CELA2B: variants seen among roughly 807,000 people sequenced by gnomAD.
The protein encoded by CELA2B is chymotrypsin-like elastase family member 2B.
A neutral mutation model predicts 36.5 loss-of-function variants in CELA2B; 27 were observed. The ratio of observed to expected loss-of-function variants is 0.74; its 90% CI spans 0.55 to 1.02. CELA2B has a LOEUF of 1.02. Among genes scored for constraint, CELA2B ranks in the 50% least tolerant of loss-of-function variants. The pLI is 0.00. For missense variants in CELA2B, 340 were observed against 347.8 expected, an observed-to-expected ratio of 0.98 and a Z score of 0.18; for synonymous variants, 143 against 148.5, an observed-to-expected ratio of 0.96 and a Z score of 0.27.
At chr1:15,487,576 C>A (rs1205990701) in intron 7 of CELA2B, 139 bp downstream of exon 7, 3 of 1,174,060 alleles carry the variant, frequency 2.6e-6, no homozygotes, top group Non-Finnish European at 3.6e-6. Context: ...AGGCTGCAGA[C>A]CTTGGCAACT....
chr1:15,479,800 C>G (rs376297163), intron 2 of CELA2B, among the ~76,000 whole-genome samples: 1 of 152,066 alleles, frequency 6.6e-6, no homozygotes, highest in Non-Finnish European at 1.5e-5. Context: ...GAAAGAGCTA[C>G]GCCGATATTT....
At position 15,483,167 on chromosome 1, in the gene CELA2B, C is replaced by T. The variant is rs552957433; in HGVS notation, c.357-97C>T. The T allele has an allele frequency of 1.7e-4, 264 of 1,554,080 alleles. 2 individuals carry two copies. In the African/African-American group the frequency reaches 1.8e-3, roughly 11 times the overall value. On this transcript the variant is annotated intron_variant, in intron 4 of 7. Coordinates refer to ENST00000375910, the MANE Select transcript of CELA2B (RefSeq NM_015849.3). ...TGCCGGTCAGAGCAACCTGGGGTAACGTACAGGGAAGATGACAAGGTCTCC... is the reference window on the plus strand; with the variant it reads ...TGCCGGTCAGAGCAACCTGGGGTAATGTACAGGGAAGATGACAAGGTCTCC...
chr1:15,478,750 A>G (rs1029945515), intron 2 of CELA2B, among the ~76,000 whole-genome samples: 8 of 150,846 alleles, frequency 5.3e-5, no homozygotes, highest in Non-Finnish European at 5.9e-5. Context: ...GTATTTTAGT[A>G]GAGACGGGGT....
At position 15,481,139 on chromosome 1, in the gene CELA2B, C is replaced by A. The variant is rs2103312405; in HGVS notation, c.171C>A (p.Thr57=). The A allele has an allele frequency of 1.2e-6, 2 of 1,613,536 alleles. No homozygotes were observed. Among genetic ancestry groups the A allele is most frequent in the African/African-American group, 1.3e-5 (1 of 75,012 alleles). ...QYSSNGQWYH[T]CGGSLIANSW... is the part of the protein sequence containing the mutation. ...GCTCCAATGGCCAGTGGTACCACAC[C>A]TGCGGAGGGTCCCTGATAGCCAACA... The change falls in exon 3 of 8, where the codon ACC becomes ACA. Residue 57 remains threonine, a synonymous_variant. Transcript: ENST00000375910.
intron 7 of CELA2B, among the ~76,000 whole-genome samples, chr1:15,489,121 A>C (rs933151837): frequency 8.5e-5 from 13 of 152,212 alleles, no homozygotes; most frequent in African/African-American, 3.1e-4. Context: ...CCAAATCCTA[A>C]GACCGTTTTC....
chr1:15,478,994 G>T (rs1037148889), intron 2 of CELA2B, among the ~76,000 whole-genome samples: 1 of 149,786 alleles, frequency 6.7e-6, no homozygotes, highest in Non-Finnish European at 1.5e-5. Context: ...GGGTTAGCCC[G>T]GGGGGGAATG....
chr1:15,483,498 T>A, intron 5 of CELA2B, 98 bp downstream of exon 5: 1 of 1,574,140 alleles, frequency 6.4e-7, no homozygotes, highest in South Asian at 1.2e-5. Flanking sequence ...ATCCTGGGCA[T>A]GTGGCTGCCT....
chr1:15,489,514 C>T (rs1413409563), intron 7 of CELA2B, among the ~76,000 whole-genome samples: 1 of 152,174 alleles, frequency 6.6e-6, no homozygotes, highest in East Asian at 1.9e-4. Context: ...GTGGCCCCAA[C>T]CCAGGGACAC....
At chr1:15,485,789 C>G (rs1448720166) in intron 5 of CELA2B, 112 bp from the exon 6 acceptor site, 2 of 1,320,356 alleles carry the variant, frequency 1.5e-6, no homozygotes, top group African/African-American at 2.9e-5. Context: ...ATGGCTGTTC[C>G]CATGTTGCAA....
At chr1:15,489,478 G>A (rs961727762) in intron 7 of CELA2B, among the ~76,000 whole-genome samples, 12 of 152,312 alleles carry the variant, frequency 7.9e-5, no homozygotes, top group South Asian at 2.1e-4. Flanking sequence ...CCCTGGCAGC[G>A]GCAGAGGGGC....
At chr1:15,482,194 G>A in intron 3 of CELA2B, 71 bp from the exon 4 acceptor site, 1 of 1,575,012 alleles carries the variant, frequency 6.3e-7, no homozygotes, top group African/African-American at 1.4e-5. Context: ...CAGTTACTTG[G>A]GTCTATCCCT....
At chr1:15,476,663 G>A (rs1708675542) in intron 2 of CELA2B, 118 bp downstream of exon 2, 2 of 958,640 alleles carry the variant, frequency 2.1e-6, no homozygotes, top group Admixed American at 2.0e-5. Flanking sequence ...GGGATTCAGA[G>A]AGCAGCACAG....
chr1:15,483,903 A>G (rs1422282032), intron 5 of CELA2B, among the ~76,000 whole-genome samples: 1 of 151,316 alleles, frequency 6.6e-6, no homozygotes, highest in East Asian at 1.9e-4. Flanking sequence ...CACTCCAGCC[A>G]GGGGGATAGA....
intron 6 of CELA2B, 128 bp from the exon 7 acceptor site, chr1:15,487,157 T>G (rs1252607453): frequency 6.0e-6 from 5 of 835,694 alleles, no homozygotes; most frequent in Non-Finnish European, 9.7e-6. Flanking sequence ...CCTTGAGCTA[T>G]GACCACAAGG....
chr1:15,477,176 T>C (rs1461127162), intron 2 of CELA2B, among the ~76,000 whole-genome samples: 2 of 152,214 alleles, frequency 1.3e-5, no homozygotes, highest in African/African-American at 2.4e-5. Flanking sequence ...CATTCAAGAC[T>C]ACCTATGCAA....
intron 2 of CELA2B, among the ~76,000 whole-genome samples, chr1:15,477,132 G>A (rs1708683471): frequency 6.6e-6 from 1 of 152,138 alleles, no homozygotes; most frequent in South Asian, 2.1e-4. Context: ...ACCAATCAGA[G>A]GCTTTCTTTC....
intron 2 of CELA2B, among the ~76,000 whole-genome samples, chr1:15,480,676 C>T (rs1317477934): frequency 1.3e-5 from 2 of 152,142 alleles, no homozygotes; most frequent in African/African-American, 4.8e-5. Flanking sequence ...GGTAACCACC[C>T]TCATGATTCA....
At chr1:15,481,736 G>A (rs769495603) in intron 3 of CELA2B, 35 of 469,576 alleles carry the variant, frequency 7.5e-5, no homozygotes, top group East Asian at 2.1e-4. Flanking sequence ...GGAACTCACC[G>A]GAGTTTCTGC....
chr1:15,476,712 G>A (rs1458374946), intron 2 of CELA2B, among the ~76,000 whole-genome samples, 167 bp downstream of exon 2: 2 of 152,214 alleles, frequency 1.3e-5, no homozygotes, highest in African/African-American at 4.8e-5. Flanking sequence ...GCTGGGCACA[G>A]TGGCTCATGC....
Sources: allele counts gnomAD v4.1 joint callset (sites outside exome capture counted in the v4.1 genomes callset), GRCh38; gene constraint gnomAD v4.1.1; transcripts MANE v1.5; gene names NCBI Gene and HGNC (gene_info 2026-07-23, HGNC 2026-07-21).